Variants in CCDC82 observed in about 807,000 individuals in gnomAD.
CCDC82 encodes the protein coiled-coil domain-containing protein 82.
A neutral mutation model predicts 60.6 loss-of-function variants in CCDC82; 47 were observed. The ratio of observed to expected loss-of-function variants is 0.77; its 90% CI spans 0.61 to 0.99. CCDC82 has a LOEUF of 0.99. CCDC82 is among the 50% of genes least tolerant of loss of function. The pLI is 0.00. For synonymous variants in CCDC82, 212 were observed against 207.4 expected, an observed-to-expected ratio of 1.02 and a Z score of -0.19; for missense variants, 588 against 633.0, an observed-to-expected ratio of 0.93 and a Z score of 0.76.
chr11:96,369,274 A>G (rs1653505409), intron 7 of CCDC82, among the ~76,000 whole-genome samples: 1 of 152,194 alleles, frequency 6.6e-6, no homozygotes, highest in Admixed American at 6.5e-5. Context: ...AATTTCCTTC[A>G]AGAACTTTCC....
chr11:96,382,542 T>C (rs910068783), intron 5 of CCDC82: 1 of 151,822 alleles, frequency 6.6e-6, no homozygotes, highest in Non-Finnish European at 1.5e-5. Flanking sequence ...TGATGCATTT[T>C]ATCACAAAAT....
chr11:96,385,237 A>C (rs1866127433), intron 3 of CCDC82: 1 of 152,590 alleles, frequency 6.6e-6, no homozygotes. Flanking sequence ...TTTGAACAGA[A>C]AGAACGAAAG....
rs759731112 is a variant in CCDC82 at position 96,389,857 on chromosome 11, TCCA to T, written c.-155_-153del. The T allele has an allele frequency of 9.4e-4, 145 of 153,904 alleles. No individual in the cohort carries two copies. Among genetic ancestry groups the T allele is most frequent in the Non-Finnish European group, 1.8e-3 (123 of 69,430 alleles). The allele number at this position is 153,904 out of a possible 1,614,324, so 9.5% of individuals were successfully genotyped here. ...TCGCGCTCTCACCTTTCAAAGCGCC[TCCA>T]CCTCTGCCTCCGCCTCCGCCCCTGC... is the stretch of plus-strand genomic sequence containing the variant. On this transcript the variant is annotated 5_prime_UTR_variant, in exon 1 of 10. Transcript: ENST00000646818.
chr11:96,373,375 CA>C lies in CCDC82; in HGVS notation c.1083del (p.Tyr361Ter), dbSNP rs763995090. On this transcript the variant is annotated frameshift_variant and splice_region_variant, in exon 6 of 10. Coordinates refer to ENST00000646818, the MANE Select transcript of CCDC82 (RefSeq NM_024725.4). LOFTEE classifies it high-confidence loss of function. ...ALDESFLGTL[Y>X]DGTRQKSYAK... ...TGTTTCATTCATAGTATTAACTTACCATATAATGTTCCCAGAAAAGATTCAT... is the reference window on the plus strand; with the variant it reads ...TGTTTCATTCATAGTATTAACTTACCTATAATGTTCCCAGAAAAGATTCAT... The C allele has an allele frequency of 1.9e-6, 3 of 1,567,252 alleles. No homozygotes were observed. The highest frequency in any genetic ancestry group is 1.8e-5 in the Admixed American group (1 of 55,480).
intron 6 of CCDC82, among the ~76,000 whole-genome samples, chr11:96,372,720 T>A (rs1029061368): frequency 3.5e-5 from 5 of 144,718 alleles, no homozygotes; most frequent in African/African-American, 1.3e-4. Flanking sequence ...ACATATATAT[T>A]TATATATATA....
At chr11:96,369,834 T>A (rs1009062171) in intron 7 of CCDC82, among the ~76,000 whole-genome samples, 13 of 152,184 alleles carry the variant, frequency 8.5e-5, no homozygotes, top group Non-Finnish European at 1.5e-4. Context: ...TGCAATAAAG[T>A]GGAATGCAAC....
At chr11:96,381,481 C>CCAAATATT (rs1355420416) in intron 5 of CCDC82, 4 of 151,498 alleles carry the variant, frequency 2.6e-5, no homozygotes, top group African/African-American at 9.7e-5. Context: ...ATGGCCTTTT[C>CCAAATATT]TGAAATATTT....
At position 96,383,309 on chromosome 11, in the gene CCDC82, C is replaced by G. The variant is rs373297177; in HGVS notation, c.951G>C (p.Leu317Phe). 6.2e-7 allele frequency: 1 copy of G among 1,605,964 alleles called. No individual in the cohort carries two copies. The highest frequency in any genetic ancestry group is 8.5e-7 in the Non-Finnish European group (1 of 1,173,906). Residue 317 changes from leucine (L) to phenylalanine (F), a missense_variant, in exon 5 of 10, where the codon TTG becomes TTC. Physicochemically the swap from Leu to Phe is conservative, Grantham distance 22 (BLOSUM62 0). Transcript: ENST00000646818. ...EENKNQQGEK[L>F]TTSQLKLVKQ... Reference sequence around the variant, plus strand: ...TTACTAATTTCAGTTGTGATGTAGTCAATTTTTCTCCTTGTTGGTTTTTAT... The same window carrying G: ...TTACTAATTTCAGTTGTGATGTAGTGAATTTTTCTCCTTGTTGGTTTTTAT...
chr11:96,367,166 A>G (rs1318436692), intron 7 of CCDC82, among the ~76,000 whole-genome samples: 1 of 152,192 alleles, frequency 6.6e-6, no homozygotes, highest in Non-Finnish European at 1.5e-5. Flanking sequence ...AGCTGTGGCA[A>G]TTTCTTAAAA....
At chr11:96,355,086 T>TA (rs1265709529) in intron 9 of CCDC82, 1 of 152,188 alleles carries the variant, frequency 6.6e-6, no homozygotes, top group Non-Finnish European at 1.5e-5. Flanking sequence ...GCCTAGTACT[T>TA]AGATAGGTTT....
Position 96,384,280 on chromosome 11 carries a change from C to T in CCDC82, c.468G>A (p.Glu156=). The change falls in exon 4 of 10, where the codon GAG becomes GAA. Residue 156 remains glutamate, a synonymous_variant. Transcript: ENST00000646818. The part of the protein sequence containing the change: ...EDDQEKHLSQ[E]DNDLNKQTGQ... ...CAGTTTGTTTGTTGAGATCATTATC[C>T]TCTTGACTTAAATGTTTTTCCTGAT... 1 of 1,613,578 alleles carries T rather than the reference C, an allele frequency of 6.2e-7. No homozygotes were observed. The highest frequency in any genetic ancestry group is 8.5e-7 in the Non-Finnish European group (1 of 1,179,780).
intron 9 of CCDC82, chr11:96,358,199 T>C: frequency 1.0e-6 from 1 of 1,003,688 alleles, no homozygotes; most frequent in South Asian, 4.7e-5. Context: ...AAAGATTAAA[T>C]GTTGATAAGA....
intron 8 of CCDC82, among the ~76,000 whole-genome samples, chr11:96,360,775 T>C (rs1271857242): frequency 6.6e-6 from 1 of 152,224 alleles, no homozygotes; most frequent in African/African-American, 2.4e-5. Flanking sequence ...CAAGTGATGA[T>C]AGACAAAGCA....
At chr11:96,364,084 A>T (rs901270138) in intron 8 of CCDC82, 1 of 152,144 alleles carries the variant, frequency 6.6e-6, no homozygotes, top group Admixed American at 6.5e-5. Context: ...GACAGCAAAG[A>T]CCATGAAGGT....
chr11:96,357,429 T>C (rs1294024499), intron 9 of CCDC82: 1 of 985,196 alleles, frequency 1.0e-6, no homozygotes, highest in African/African-American at 1.7e-5. Flanking sequence ...TTGGCTTTCT[T>C]GAAAAGAAAG....
At chr11:96,371,909 G>C (rs996663486) in intron 6 of CCDC82, among the ~76,000 whole-genome samples, 5 of 152,118 alleles carry the variant, frequency 3.3e-5, no homozygotes, top group African/African-American at 1.2e-4. Flanking sequence ...ATATACATCT[G>C]TCATCGTATG....
chr11:96,388,825 G>A (rs544080194), intron 1 of CCDC82: 4 of 152,168 alleles, frequency 2.6e-5, no homozygotes, highest in Non-Finnish European at 5.9e-5. Flanking sequence ...CCTCTTCGAT[G>A]TTTTCTTTTA....
chr11:96,353,761 G>C, intron 9 of CCDC82, 47 bp from the exon 10 acceptor site: 1 of 1,362,652 alleles, frequency 7.3e-7, no homozygotes, highest in Non-Finnish European at 1.0e-6. Context: ...AAGCAATGAA[G>C]ACAAACTGGG....
At chr11:96,386,651 G>A (rs778185293) in intron 2 of CCDC82, 1 of 152,172 alleles carries the variant, frequency 6.6e-6, no homozygotes, top group Non-Finnish European at 1.5e-5. Flanking sequence ...CTTGGCCTCA[G>A]TGCTGGGATT....
Sources: gnomAD v4.1 joint callset for allele counts (sites outside exome capture counted in the v4.1 genomes callset) on GRCh38, gnomAD v4.1.1 for gene constraint, MANE v1.5 for transcripts, NCBI Gene and HGNC (gene_info 2026-07-23, HGNC 2026-07-21) for gene names.